The following TMOD1 variants were observed in gnomAD, a reference collection of about 807,000 sequenced individuals.
TMOD1 encodes tropomodulin 1, also known as tropomodulin-1.
TMOD1 carries 17 observed loss-of-function variants against 40.6 expected under a neutral mutation model. That is an observed-to-expected ratio of 0.42 (90% confidence interval 0.29 to 0.63). The LOEUF is 0.63. Among genes scored for constraint, TMOD1 ranks in the 20% least tolerant of loss-of-function variants. The pLI, the probability that TMOD1 is intolerant of heterozygous loss-of-function variation, is 0.22. For missense variants in TMOD1, 391 were observed against 447.6 expected, an observed-to-expected ratio of 0.87 and a Z score of 1.14; for synonymous variants, 181 against 175.0, an observed-to-expected ratio of 1.03 and a Z score of -0.27.
intron 3 of TMOD1, 37 bp downstream of exon 3, chr9:97,546,378 C>G (rs1284104120): frequency 6.3e-7 from 1 of 1,598,062 alleles, no homozygotes; most frequent in Non-Finnish European, 8.5e-7. Flanking sequence ...ATGCCACTCC[C>G]CATGCACCAT....
At chr9:97,512,490 G>A (rs1031900006) in intron 1 of TMOD1, among the ~76,000 whole-genome samples, 6 of 151,852 alleles carry the variant, frequency 4.0e-5, no homozygotes, top group Non-Finnish European at 5.9e-5. Flanking sequence ...ACCAAATACT[G>A]GAAATAACCT....
rs979396114 is a variant in TMOD1 at position 97,601,169 on chromosome 9, A to C, written c.*1471A>C. On this transcript the variant is annotated 3_prime_UTR_variant, in exon 10 of 10. Transcript: ENST00000259365. ...CCATGTTGCAGGGACAACCATCCCC[A>C]TTTGGCTTCTCCTTAAAACACAATT... The C allele has an allele frequency of 1.5e-6, 2 of 1,300,514 alleles. No homozygotes were observed. The highest frequency in any genetic ancestry group is 3.0e-5 in the African/African-American group (2 of 65,688). 80.6% of individuals were successfully genotyped at this position (1,300,514 alleles called of 1,614,324 possible).
At position 97,599,799 on chromosome 9, in the gene TMOD1, C is replaced by T; in HGVS notation, c.*101C>T. 4 of 1,592,528 alleles carry T rather than the reference C, an allele frequency of 2.5e-6. No individual in the cohort carries two copies. The highest frequency in any genetic ancestry group is 3.4e-6 in the Non-Finnish European group (4 of 1,167,168). Reference sequence around the variant, plus strand: ...AGGCAAAATGCTGGCAGCATGAAACCCTTTTGTGGTTCAGTTCTTTATGCA... The same window carrying T: ...AGGCAAAATGCTGGCAGCATGAAACTCTTTTGTGGTTCAGTTCTTTATGCA... On this transcript the variant is annotated 3_prime_UTR_variant, in exon 10 of 10. Transcript: ENST00000259365.
intron 1 of TMOD1, among the ~76,000 whole-genome samples, chr9:97,508,471 C>T (rs751102952): frequency 7.9e-5 from 12 of 152,098 alleles, no homozygotes; most frequent in African/African-American, 1.2e-4. Context: ...ATTACAGGTG[C>T]GAGCCACCGT....
intron 7 of TMOD1, among the ~76,000 whole-genome samples, chr9:97,568,077 G>T (rs1194410874): frequency 1.3e-5 from 2 of 152,134 alleles, no homozygotes; most frequent in Admixed American, 6.5e-5. Context: ...TCTCCAGTTT[G>T]CCCTGGTCAC....
In TMOD1 at chr9:97,601,199, C is replaced by A; in HGVS notation, c.*1501C>A. 1 of 1,292,944 alleles carries A rather than the reference C, an allele frequency of 7.7e-7. No homozygotes were observed. Among genetic ancestry groups the A allele is most frequent in the African/African-American group, 1.5e-5 (1 of 65,680 alleles). 80.1% of individuals were successfully genotyped at this position (1,292,944 alleles called of 1,614,324 possible). ...GCTTCTCCTTAAAACACAATTGCAG[C>A]TGCATTCTGCATCGCTGAAAACTGC... On this transcript the variant is annotated 3_prime_UTR_variant, in exon 10 of 10. Transcript: ENST00000259365.
intron 9 of TMOD1, among the ~76,000 whole-genome samples, chr9:97,598,460 T>C (rs1826163660): frequency 6.6e-6 from 1 of 152,188 alleles, no homozygotes; most frequent in Non-Finnish European, 1.5e-5. Flanking sequence ...TCCAGCAGCG[T>C]TGGAGGGGCT....
intron 2 of TMOD1, among the ~76,000 whole-genome samples, chr9:97,530,526 C>T (rs368303909): frequency 4.9e-4 from 73 of 149,062 alleles, no homozygotes; most frequent in African/African-American, 1.8e-3. Context: ...CTCGCTCTGT[C>T]GCCCAGGCTG....
At chr9:97,527,660 G>T (rs1410883248) in intron 2 of TMOD1, among the ~76,000 whole-genome samples, 1 of 152,204 alleles carries the variant, frequency 6.6e-6, no homozygotes, top group East Asian at 1.9e-4. Context: ...AGAGGGGGCG[G>T]CAAGGCCGAC....
At chr9:97,507,238 C>T (rs1264053653) in intron 1 of TMOD1, among the ~76,000 whole-genome samples, 2 of 152,140 alleles carry the variant, frequency 1.3e-5, no homozygotes, top group Non-Finnish European at 2.9e-5. Flanking sequence ...CCTGAGACAC[C>T]TGAGACCCTG....
chr9:97,536,889 G>A (rs1273727775), intron 2 of TMOD1, among the ~76,000 whole-genome samples: 3 of 152,212 alleles, frequency 2.0e-5, no homozygotes, highest in Admixed American at 6.5e-5. Flanking sequence ...TATAGCTGAT[G>A]TATTTGGGAA....
intron 2 of TMOD1, among the ~76,000 whole-genome samples, chr9:97,528,902 T>C (rs149414080): frequency 6.6e-6 from 1 of 152,400 alleles, no homozygotes; most frequent in African/African-American, 2.4e-5. Flanking sequence ...GCACTCACTA[T>C]GTGCAGGTGC....
At chr9:97,569,080 G>T (rs2131270353) in intron 8 of TMOD1, 43 bp downstream of exon 8, 1 of 1,605,376 alleles carries the variant, frequency 6.2e-7, no homozygotes, top group Non-Finnish European at 8.5e-7. Context: ...ACTACATGCA[G>T]CTCGCTGGCC....
chr9:97,548,478 C>T (rs143672928), intron 3 of TMOD1, among the ~76,000 whole-genome samples: 4 of 151,966 alleles, frequency 2.6e-5, no homozygotes, highest in South Asian at 2.1e-4. Context: ...AAGGTGAGGA[C>T]GAGGGCAGGG....
At chr9:97,590,756 G>A (rs1167450125) in intron 8 of TMOD1, among the ~76,000 whole-genome samples, 1 of 151,954 alleles carries the variant, frequency 6.6e-6, no homozygotes, top group Non-Finnish European at 1.5e-5. Context: ...CTTACCATGT[G>A]ATCTTGGGAA....
rs1302609283 is a variant in TMOD1, at chr9:97,597,437, G to A, written c.1016-2197G>A. Among the ~76,000 whole-genome samples the A allele has an allele frequency of 2.7e-5, 4 of 150,694 alleles. 1 individual carries two copies. Among genetic ancestry groups the A allele is most frequent in the Non-Finnish European group, 5.9e-5 (4 of 67,684 alleles). ...CAGGGGGCCGGGTGGGGTGGCTCAC[G>A]CCTGTAATCCCAGCACTTTGGGAAG... On this transcript the variant is annotated intron_variant, in intron 9 of 9. Transcript: ENST00000259365.
chr9:97,599,382 G>A (rs1454686889), intron 9 of TMOD1, among the ~76,000 whole-genome samples: 4 of 152,158 alleles, frequency 2.6e-5, no homozygotes, highest in Admixed American at 6.5e-5. Flanking sequence ...GACTTATAAC[G>A]TGGGACTGTG....
intron 8 of TMOD1, among the ~76,000 whole-genome samples, chr9:97,580,885 T>TTA (rs1323442370): frequency 6.6e-6 from 1 of 151,894 alleles, no homozygotes; most frequent in South Asian, 2.1e-4. Flanking sequence ...TTAAAGAATG[T>TTA]TATATATATA....
At chr9:97,587,378 C>A (rs978839367) in intron 8 of TMOD1, among the ~76,000 whole-genome samples, 1 of 152,166 alleles carries the variant, frequency 6.6e-6, no homozygotes, top group Non-Finnish European at 1.5e-5. Context: ...TTCTCACCAA[C>A]GTTTGGTGTT....
Sources: allele counts gnomAD v4.1 joint callset (sites outside exome capture counted in the v4.1 genomes callset), GRCh38; gene constraint gnomAD v4.1.1; transcripts MANE v1.5; gene names NCBI Gene and HGNC (gene_info 2026-07-23, HGNC 2026-07-21).